DMD: variants seen among roughly 807,000 people sequenced by gnomAD.
DMD encodes the protein dystrophin, also known as mutant dystrophin.
In DMD, 63 loss-of-function variants were observed where a neutral mutation model predicts 330.1. That is an observed-to-expected ratio of 0.19 (90% confidence interval 0.16 to 0.24). The LOEUF is 0.24. Ranked by LOEUF, DMD falls within the 10% of genes least tolerant of loss-of-function variation. DMD has a pLI of 1.00. For missense variants in DMD, 3,344 were observed against 2,684.1 expected (o/e 1.25, Z -5.43); for synonymous variants, 1,223 against 959.8 (o/e 1.27, Z -5.07).
chrX:32,844,766 T>A lies in DMD; in HGVS notation c.264+17A>T, dbSNP rs754750547. ...GCTGTGTCACAGCATCCAGACCTTG[T>A]CCAGGGTACTACTTACATTATTGTT... is the stretch of plus-strand genomic sequence containing the variant. On this transcript the variant is annotated intron_variant, in intron 4 of 78. Coordinates refer to ENST00000357033, the MANE Select transcript of DMD (RefSeq NM_004006.3). 2 of 1,195,120 alleles carry A rather than the reference T, an allele frequency of 1.7e-6. No individual in the cohort carries two copies. Among genetic ancestry groups the A allele is most frequent in the Non-Finnish European group, 2.3e-6 (2 of 881,610 alleles).
intron 21 of DMD, among the ~76,000 whole-genome samples, chrX:32,484,603 T>C (rs1174564541): frequency 1.8e-5 from 2 of 112,069 alleles, no homozygotes; most frequent in Non-Finnish European, 3.8e-5. Context: ...TTGAAGTGTA[T>C]TCATATGACC....
intron 1 of DMD, among the ~76,000 whole-genome samples, chrX:33,205,651 G>A (rs2051523274): frequency 8.9e-6 from 1 of 111,908 alleles, no homozygotes; most frequent in Non-Finnish European, 1.9e-5. Context: ...AAGGGAGAAC[G>A]CTTTAAAACA....
At chrX:32,418,178 C>T (rs754295369) in intron 29 of DMD, among the ~76,000 whole-genome samples, 1 of 111,455 alleles carries the variant, frequency 9.0e-6, no homozygotes, top group African/African-American at 3.3e-5. Flanking sequence ...GCGCCATCTA[C>T]CTGGATGATG....
At chrX:31,125,511 T>G (rs2033520315) in intron 78 of DMD, among the ~76,000 whole-genome samples, 1 of 111,955 alleles carries the variant, frequency 8.9e-6, no homozygotes, top group African/African-American at 3.2e-5. Context: ...ATCTTCTCAT[T>G]TAAGAAGGAC....
At chrX:31,163,225 T>A (rs1243756169) in intron 74 of DMD, among the ~76,000 whole-genome samples, 2 of 111,089 alleles carry the variant, frequency 1.8e-5, no homozygotes, top group Admixed American at 1.9e-4. Context: ...CAGTGGGAGG[T>A]AACTGAATCA....
chrX:31,407,927 G>A (rs2061476533), intron 60 of DMD, among the ~76,000 whole-genome samples: 1 of 111,506 alleles, frequency 9.0e-6, no homozygotes, highest in East Asian at 2.8e-4. Context: ...CATTTAACCA[G>A]AAGACAGACC....
intron 52 of DMD, among the ~76,000 whole-genome samples, chrX:31,690,960 G>C (rs2083076977): frequency 9.1e-6 from 1 of 110,085 alleles, no homozygotes; most frequent in African/African-American, 3.3e-5. Flanking sequence ...ACACACCGGG[G>C]CCTGTCGTGG....
chrX:32,656,643 C>CTCT (rs1250545549), intron 9 of DMD, among the ~76,000 whole-genome samples: 60 of 111,947 alleles, frequency 5.4e-4, no homozygotes, highest in African/African-American at 1.8e-3. Context: ...CTAAAACATA[C>CTCT]TCTCAATGAA....
At chrX:33,151,171 G>A (rs1054208765) in intron 1 of DMD, among the ~76,000 whole-genome samples, 1 of 112,195 alleles carries the variant, frequency 8.9e-6, no homozygotes, top group Non-Finnish European at 1.9e-5. Flanking sequence ...TGAGTACAGC[G>A]TTTGATTTTT....
intron 1 of DMD, among the ~76,000 whole-genome samples, chrX:33,055,900 A>G (rs1274654099): frequency 9.0e-6 from 1 of 110,899 alleles, no homozygotes; most frequent in Admixed American, 9.8e-5. Context: ...ATGGAGAAGA[A>G]TAAATAAAGT....
intron 19 of DMD, among the ~76,000 whole-genome samples, chrX:32,501,114 T>C (rs983257220): frequency 8.9e-6 from 1 of 112,135 alleles, no homozygotes; most frequent in South Asian, 3.6e-4. Flanking sequence ...ATGACACATT[T>C]GGTACACATA....
intron 43 of DMD, among the ~76,000 whole-genome samples, chrX:32,261,161 A>G (rs747153985): frequency 8.9e-6 from 1 of 112,284 alleles, no homozygotes; most frequent in Non-Finnish European, 1.9e-5. Flanking sequence ...CAAGCAAAAC[A>G]TATCCTTCAG....
At chrX:32,856,059 A>C (rs2081528685) in intron 2 of DMD, among the ~76,000 whole-genome samples, 1 of 112,449 alleles carries the variant, frequency 8.9e-6, no homozygotes, top group Admixed American at 9.4e-5. Flanking sequence ...GAATATGAAA[A>C]GGTTGTCACT....
At chrX:31,272,749 T>G (rs1327504543) in intron 62 of DMD, among the ~76,000 whole-genome samples, 4 of 112,045 alleles carry the variant, frequency 3.6e-5, no homozygotes, top group Admixed American at 9.4e-5. Flanking sequence ...CATGAAGACT[T>G]TTCACTGCAA....
At chrX:32,622,423 T>C (rs1358643980) in intron 11 of DMD, among the ~76,000 whole-genome samples, 1 of 111,964 alleles carries the variant, frequency 8.9e-6, no homozygotes, top group Non-Finnish European at 1.9e-5. Context: ...TAGCAAATAG[T>C]AGTCCATATG....
intron 55 of DMD, among the ~76,000 whole-genome samples, chrX:31,524,640 A>C (rs376969916): frequency 2.7e-5 from 3 of 111,953 alleles, no homozygotes; most frequent in Non-Finnish European, 5.6e-5. Context: ...TCTTTATTGG[A>C]GAGATAAGTC....
chrX:32,719,200 C>T (rs2066017452), intron 7 of DMD, among the ~76,000 whole-genome samples: 1 of 111,865 alleles, frequency 8.9e-6, no homozygotes, highest in Non-Finnish European at 1.9e-5. Flanking sequence ...ATTGCATCCA[C>T]ATAATCTGAT....
chrX:32,627,527 G>A (rs1263873580), intron 11 of DMD, among the ~76,000 whole-genome samples: 1 of 97,784 alleles, frequency 1.0e-5, no homozygotes, highest in Non-Finnish European at 1.9e-5. Flanking sequence ...TTCAGCAACT[G>A]ATATTAGCCC....
At chrX:32,124,231 C>T (rs764638077) in intron 44 of DMD, among the ~76,000 whole-genome samples, 1 of 112,450 alleles carries the variant, frequency 8.9e-6, no homozygotes, top group East Asian at 2.8e-4. Context: ...ACGAAGTTGG[C>T]TTTATTAGCA....
Sources: gnomAD v4.1 joint callset for allele counts (sites outside exome capture counted in the v4.1 genomes callset) on GRCh38, gnomAD v4.1.1 for gene constraint, MANE v1.5 for transcripts, NCBI Gene and HGNC (gene_info 2026-07-23, HGNC 2026-07-21) for gene names.